The following IL1RAPL1 variants were observed in gnomAD, a reference collection of about 807,000 sequenced individuals.
IL1RAPL1 encodes interleukin 1 receptor accessory protein like 1.
Under a neutral mutation model 48.4 loss-of-function variants are expected in IL1RAPL1, and 3 were observed. The observed-to-expected ratio is 0.06, with a 90% CI of 0.03 to 0.16. IL1RAPL1 has a LOEUF of 0.16. Ranked by LOEUF, IL1RAPL1 falls within the 10% of genes least tolerant of loss-of-function variation. The pLI, the probability that IL1RAPL1 is intolerant of heterozygous loss-of-function variation, is 1.00. For missense variants in IL1RAPL1, 349 were observed against 530.6 expected, an observed-to-expected ratio of 0.66 and a Z score of 3.36; for synonymous variants, 185 against 187.7, an observed-to-expected ratio of 0.99 and a Z score of 0.12.
intron 5 of IL1RAPL1, among the ~76,000 whole-genome samples, chrX:29,653,976 G>T (rs769775932): frequency 9.3e-6 from 1 of 107,532 alleles, no homozygotes; most frequent in Admixed American, 1.0e-4. Context: ...TAAATAAAAT[G>T]TTTGTTTTCA....
intron 2 of IL1RAPL1, among the ~76,000 whole-genome samples, chrX:28,964,256 A>G (rs537190885): frequency 8.9e-5 from 10 of 111,746 alleles, no homozygotes; most frequent in South Asian, 3.7e-4. Context: ...TTGCCTATCC[A>G]CTTTTAACAT....
intron 1 of IL1RAPL1, among the ~76,000 whole-genome samples, chrX:28,653,000 A>G (rs1446214044): frequency 9.0e-6 from 1 of 111,612 alleles, no homozygotes; most frequent in Non-Finnish European, 1.9e-5. Flanking sequence ...TAGCAAAAGA[A>G]GACACGCGCA....
chrX:29,718,037 C>T (rs1171153594), intron 6 of IL1RAPL1, among the ~76,000 whole-genome samples: 2 of 111,878 alleles, frequency 1.8e-5, no homozygotes, highest in African/African-American at 6.5e-5. Flanking sequence ...AGTCCACATT[C>T]TTTTCTTCAA....
At chrX:29,603,070 A>C in intron 5 of IL1RAPL1, among the ~76,000 whole-genome samples, 1 of 110,966 alleles carries the variant, frequency 9.0e-6, no homozygotes, top group Non-Finnish European at 1.9e-5. Context: ...GTTCGAGACC[A>C]GTCTGGCCAA....
At chrX:29,623,066 C>T (rs1367702580) in intron 5 of IL1RAPL1, among the ~76,000 whole-genome samples, 2 of 103,907 alleles carry the variant, frequency 1.9e-5, no homozygotes, top group African/African-American at 7.1e-5. Context: ...GTCAGGAGAT[C>T]GAGACCATCC....
At chrX:28,955,075 G>A (rs186754224) in intron 2 of IL1RAPL1, among the ~76,000 whole-genome samples, 1 of 111,813 alleles carries the variant, frequency 8.9e-6, no homozygotes, top group East Asian at 2.8e-4. Context: ...ATCCTTGATG[G>A]ATTATTAGTT....
At chrX:29,048,210 C>T (rs1927018429) in intron 2 of IL1RAPL1, among the ~76,000 whole-genome samples, 1 of 112,111 alleles carries the variant, frequency 8.9e-6, no homozygotes, top group Non-Finnish European at 1.9e-5. Context: ...TGTAGTTCAA[C>T]TTACTACATA....
At chrX:28,915,945 A>G (rs1356991925) in intron 2 of IL1RAPL1, among the ~76,000 whole-genome samples, 27 of 103,704 alleles carry the variant, frequency 2.6e-4, no homozygotes, top group East Asian at 8.7e-4. Context: ...ATGTATGTGT[A>G]TATATATATA....
chrX:28,596,512 T>C (rs1313229697), intron 1 of IL1RAPL1, among the ~76,000 whole-genome samples: 1 of 111,042 alleles, frequency 9.0e-6, no homozygotes, highest in Non-Finnish European at 1.9e-5. Flanking sequence ...GGCCCAAAAA[T>C]GGTTTAGTTA....
intron 2 of IL1RAPL1, among the ~76,000 whole-genome samples, chrX:28,853,511 A>G (rs866650432): frequency 9.2e-6 from 1 of 108,182 alleles, no homozygotes; most frequent in Non-Finnish European, 1.9e-5. Flanking sequence ...ACACACACAC[A>G]CTCTCACTCA....
intron 5 of IL1RAPL1, among the ~76,000 whole-genome samples, chrX:29,542,524 A>C (rs190154707): frequency 4.4e-5 from 5 of 112,472 alleles, no homozygotes; most frequent in Non-Finnish European, 9.4e-5. Context: ...TACTTCTTCT[A>C]TCTAACCATA....
chrX:28,885,627 T>G (rs768958601), intron 2 of IL1RAPL1, among the ~76,000 whole-genome samples: 9 of 111,807 alleles, frequency 8.0e-5, no homozygotes, highest in Non-Finnish European at 1.3e-4. Context: ...GTCTGCATAA[T>G]CTGTTGGATT....
At chrX:29,020,222 G>T (rs956722771) in intron 2 of IL1RAPL1, among the ~76,000 whole-genome samples, 2 of 112,251 alleles carry the variant, frequency 1.8e-5, no homozygotes. Context: ...TTAAAATCAA[G>T]ATATGAATCT....
chrX:28,971,876 T>TGTG (rs1555948230), intron 2 of IL1RAPL1, among the ~76,000 whole-genome samples: 9 of 84,481 alleles, frequency 1.1e-4, no homozygotes, highest in African/African-American at 4.1e-4. Context: ...ACTCTGAAAA[T>TGTG]TGTGTGTGTG....
At chrX:28,962,672 T>C (rs1452016446) in intron 2 of IL1RAPL1, among the ~76,000 whole-genome samples, 1 of 111,520 alleles carries the variant, frequency 9.0e-6, no homozygotes, top group Non-Finnish European at 1.9e-5. Flanking sequence ...ACACAGCATG[T>C]GTTATACTGC....
chrX:29,523,577 G>A (rs1205080096), intron 5 of IL1RAPL1, among the ~76,000 whole-genome samples: 2 of 111,852 alleles, frequency 1.8e-5, no homozygotes, highest in Admixed American at 9.5e-5. Flanking sequence ...CACACTGAAT[G>A]TAGCTTTCAC....
chrX:29,699,120 C>T (rs1926989108), intron 6 of IL1RAPL1, among the ~76,000 whole-genome samples: 2 of 112,159 alleles, frequency 1.8e-5, no homozygotes, highest in African/African-American at 6.5e-5. Flanking sequence ...GAACATAATT[C>T]AAAAATTATG....
At chrX:29,486,865 C>T (rs761144296) in intron 5 of IL1RAPL1, among the ~76,000 whole-genome samples, 10 of 110,986 alleles carry the variant, frequency 9.0e-5, no homozygotes, top group African/African-American at 2.9e-4. Context: ...TCTGAAACTC[C>T]AAAGCTGTGC....
intron 5 of IL1RAPL1, among the ~76,000 whole-genome samples, chrX:29,459,328 A>T (rs1346505566): frequency 3.6e-5 from 4 of 111,751 alleles, no homozygotes; most frequent in Non-Finnish European, 7.5e-5. Context: ...ATGAGTTAGG[A>T]ATGTAGATTT....
Sources: gnomAD v4.1 joint callset for allele counts (sites outside exome capture counted in the v4.1 genomes callset) on GRCh38, gnomAD v4.1.1 for gene constraint, MANE v1.5 for transcripts, NCBI Gene and HGNC (gene_info 2026-07-23, HGNC 2026-07-21) for gene names.